DPH6: variants seen among roughly 807,000 people sequenced by gnomAD.
The protein encoded by DPH6 is diphthamine biosynthesis 6.
Under a neutral mutation model 38.2 loss-of-function variants are expected in DPH6, and 33 were observed. That is an observed-to-expected ratio of 0.86 (90% confidence interval 0.65 to 1.15). DPH6 has a LOEUF of 1.15. Ranked by LOEUF, DPH6 falls within the 50% of genes most tolerant of loss-of-function variation. DPH6 has a pLI of 0.00. For synonymous variants in DPH6, 108 were observed against 103.0 expected, an observed-to-expected ratio of 1.05 and a Z score of -0.30; for missense variants, 325 against 320.0, an observed-to-expected ratio of 1.02 and a Z score of -0.12.
At chr15:35,312,478 T>A (rs539176892) in intron 3 of DPH6, among the ~76,000 whole-genome samples, 8 of 152,144 alleles carry the variant, frequency 5.3e-5, no homozygotes, top group Non-Finnish European at 8.8e-5. Context: ...GCAGGCTGAG[T>A]ATTACGAAAT....
intron 6 of DPH6, among the ~76,000 whole-genome samples, chr15:35,384,291 ATTC>A (rs1467433115): frequency 1.3e-5 from 2 of 152,232 alleles, no homozygotes; most frequent in Non-Finnish European, 1.5e-5. Context: ...AATTTTCATG[ATTC>A]TTTTCATAAT....
intron 6 of DPH6, among the ~76,000 whole-genome samples, chr15:35,390,612 C>T (rs1298385495): frequency 6.6e-6 from 1 of 152,104 alleles, no homozygotes; most frequent in Non-Finnish European, 1.5e-5. Context: ...TCGCTGATAC[C>T]TTTTCTTCCA....
chr15:35,495,135 T>C (rs1025940277), intron 3 of DPH6, among the ~76,000 whole-genome samples: 1 of 152,206 alleles, frequency 6.6e-6, no homozygotes, highest in Non-Finnish European at 1.5e-5. Context: ...AATTCATATG[T>C]TGAAGTTCTA....
At chr15:35,200,977 A>AT in the DPH6 span, among the ~76,000 whole-genome samples, 1 of 109,282 alleles carries the variant, frequency 9.2e-6, no homozygotes, top group Admixed American at 1.1e-4. Context: ...TATACCAATA[A>AT]TTTCCCTTTT....
intron 3 of DPH6, among the ~76,000 whole-genome samples, chr15:35,476,592 T>C (rs2054266315): frequency 6.6e-6 from 1 of 151,800 alleles, no homozygotes; most frequent in Non-Finnish European, 1.5e-5. Context: ...CATTTTAGTT[T>C]GTTGCTGCTA....
At chr15:35,377,963 G>C (rs1416791669) in intron 7 of DPH6, among the ~76,000 whole-genome samples, 1 of 151,610 alleles carries the variant, frequency 6.6e-6, no homozygotes, top group African/African-American at 2.4e-5. Flanking sequence ...TCGAACTCCT[G>C]GCCTCAAGTG....
At chr15:35,398,751 G>C (rs1000255700) in intron 6 of DPH6, among the ~76,000 whole-genome samples, 37 of 152,178 alleles carry the variant, frequency 2.4e-4, no homozygotes, top group African/African-American at 8.9e-4. Context: ...CAGAAGTATA[G>C]GTAACAACCT....
intron 6 of DPH6, among the ~76,000 whole-genome samples, chr15:35,389,600 CTTCT>C (rs2053023871): frequency 6.6e-6 from 1 of 152,134 alleles, no homozygotes. Context: ...CTGTAATGGC[CTTCT>C]TTGTCTCTTT....
rs186622864 is a variant in DPH6, at chr15:35,299,039, C to G, written n.200+74482G>C. On this transcript the variant is annotated intron_variant and non_coding_transcript_variant, in intron 3 of 3. Transcript: ENST00000560386. The stretch of plus-strand genomic sequence containing the variant: ...CACGTGCATCATGTCTGTATTTATG[C>G]CTTTCTTCTCTTTCTTCTATTTCTT... 11 of 719,008 alleles carry G rather than the reference C, an allele frequency of 1.5e-5. No homozygotes were observed. In the Admixed American group the frequency reaches 2.1e-4, roughly 14 times the overall value. 44.5% of individuals were successfully genotyped at this position (719,008 alleles called of 1,614,324 possible). A position where few individuals can be genotyped will look rare whatever the true frequency, so the allele number is the denominator to read the frequency against.
At chr15:35,201,033 C>T in the DPH6 span, among the ~76,000 whole-genome samples, 1 of 134,562 alleles carries the variant, frequency 7.4e-6, no homozygotes, top group Admixed American at 7.7e-5. Flanking sequence ...ATAATACTTA[C>T]CAGTTGATTT....
chr15:35,358,005 C>T (rs2052580902), intron 3 of DPH6, among the ~76,000 whole-genome samples: 1 of 152,190 alleles, frequency 6.6e-6, no homozygotes, highest in South Asian at 2.1e-4. Context: ...TTCTCTTCTT[C>T]CTCAGGAACA....
the DPH6 span, among the ~76,000 whole-genome samples, chr15:35,187,723 T>C: frequency 6.6e-6 from 1 of 152,236 alleles, no homozygotes; most frequent in South Asian, 2.1e-4. Flanking sequence ...CAATGGCTCA[T>C]GCCTGTAATC....
downstream of DPH6, among the ~76,000 whole-genome samples, chr15:35,214,157 T>C (rs140887528): frequency 6.6e-6 from 1 of 151,812 alleles, no homozygotes; most frequent in African/African-American, 2.4e-5. Flanking sequence ...CTATGTCTTC[T>C]AATTCTTCTG....
At chr15:35,506,618 C>T (rs8035759) in intron 3 of DPH6, among the ~76,000 whole-genome samples, 17,357 of 152,138 alleles carry the variant, frequency 0.11, 1,498 homozygotes, top group African/African-American at 0.25. Context: ...CCAATTTACA[C>T]GCTTCTCTGC....
At chr15:35,536,362 T>A (rs561211767) in intron 3 of DPH6, among the ~76,000 whole-genome samples, 1 of 152,122 alleles carries the variant, frequency 6.6e-6, no homozygotes, top group African/African-American at 2.4e-5. Context: ...AACTATTTAG[T>A]CCCAGACAAC....
In DPH6 at chr15:35,345,307, C is replaced by A. The variant is rs565891026; in HGVS notation, n.208-14230G>T. Among the ~76,000 whole-genome samples the A allele has an allele frequency of 1.3e-4, 19 of 151,924 alleles. No individual in the cohort carries two copies. In the South Asian group the frequency reaches 2.9e-3, roughly 23 times the overall value. ...TTTTGCACTATTTATAGAGTCATAA[C>A]CGCAAATAATGATAGTTTTATTTCT... On this transcript the variant is annotated intron_variant and non_coding_transcript_variant, in intron 3 of 3. Transcript: ENST00000558973.
At chr15:35,325,087 G>T (rs2052270913) in intron 3 of DPH6, among the ~76,000 whole-genome samples, 1 of 152,076 alleles carries the variant, frequency 6.6e-6, no homozygotes, top group South Asian at 2.1e-4. Context: ...TTTTGGATTT[G>T]AAGGTTCCTT....
At chr15:35,434,966 G>A (rs2141041521) in intron 5 of DPH6, among the ~76,000 whole-genome samples, 1 of 151,136 alleles carries the variant, frequency 6.6e-6, no homozygotes, top group Admixed American at 6.6e-5. Context: ...TACAGACAGG[G>A]TTTCACCATG....
intron 5 of DPH6, among the ~76,000 whole-genome samples, chr15:35,449,175 A>G (rs1403977077): frequency 6.6e-6 from 1 of 152,088 alleles, no homozygotes; most frequent in Non-Finnish European, 1.5e-5. Flanking sequence ...TCTAAAGAAT[A>G]ACTTTCATCT....
Sources: allele counts gnomAD v4.1 joint callset (sites outside exome capture counted in the v4.1 genomes callset), GRCh38; gene constraint gnomAD v4.1.1; transcripts MANE v1.5; gene names NCBI Gene and HGNC (gene_info 2026-07-23, HGNC 2026-07-21).